Variants in ZNF44 observed in about 807,000 individuals in gnomAD.
ZNF44 encodes the protein gonadotropin inducible transcription repressor-2.
Under a neutral mutation model 11.7 loss-of-function variants are expected in ZNF44, and 9 were observed. The observed-to-expected ratio is 0.77, with a 90% CI of 0.46 to 1.35. ZNF44 has a LOEUF of 1.35. Ranked by LOEUF, ZNF44 falls within the 40% of genes most tolerant of loss-of-function variation. The probability of loss-of-function intolerance (pLI) is 0.00; values close to 1 mark genes in which losing one functional copy is unlikely to be tolerated. For synonymous variants in ZNF44, 224 were observed against 242.7 expected (o/e 0.92, Z 0.72); for missense variants, 696 against 743.1 (o/e 0.94, Z 0.74).
exon 6 of ZNF44, chr19:12,250,290 G>T: frequency 1.5e-6 from 2 of 1,366,682 alleles, no homozygotes; most frequent in Non-Finnish European, 2.0e-6. Context: ...TCTCTGTAGA[G>T]TTTTTTCTGT....
chr19:12,231,090 G>C (rs993243239), intron 2 of ZNF44, among the ~76,000 whole-genome samples: 2 of 152,142 alleles, frequency 1.3e-5, no homozygotes, highest in Non-Finnish European at 2.9e-5. Flanking sequence ...TGAGGTGCTT[G>C]TCCACGATGG....
rs201472296 is a variant in ZNF44, at chr19:12,272,884, A to G, written c.1371T>C (p.Phe457=). The change falls in exon 4 of 4, where the codon TTT becomes TTC. Residue 457 remains phenylalanine (F), a synonymous_variant. Transcript: ENST00000355684. ...QPYKCKCGKA[F]SDLFSFQSHE... is the part of the protein sequence containing the mutation. The stretch of plus-strand genomic sequence containing the variant: ...GACTTTGAAAGGAAAATAAATCACT[A>G]AAAGCTTTTCCACATTTACATTTAT... 1.5e-3 allele frequency: 2,391 copies of G among 1,614,094 alleles called. 4 individuals are homozygous for G. The highest frequency in any genetic ancestry group is 1.9e-3 in the Non-Finnish European group (2,234 of 1,180,026).
intron 1 of ZNF44, among the ~76,000 whole-genome samples, chr19:12,288,318 G>A (rs1378547824): frequency 6.6e-6 from 1 of 152,084 alleles, no homozygotes; most frequent in African/African-American, 2.4e-5. Flanking sequence ...TACCTAAATG[G>A]AAGACATATG....
intron 5 of ZNF44, among the ~76,000 whole-genome samples, chr19:12,252,822 T>A (rs925194933): frequency 4.0e-5 from 6 of 150,390 alleles, no homozygotes; most frequent in Non-Finnish European, 7.4e-5. Context: ...ACAAAGAAAA[T>A]TAAAAAGTAT....
chr19:12,236,196 A>G (rs149072019), intron 1 of ZNF44, among the ~76,000 whole-genome samples: 351 of 152,336 alleles, frequency 2.3e-3, no homozygotes, highest in African/African-American at 7.7e-3. Flanking sequence ...TACAAACCCT[A>G]GAAGGGTTAA....
rs958860050 is a variant in ZNF44, at chr19:12,249,507, G to GA, written c.*186+470dup. Among the ~76,000 whole-genome samples the GA allele has an allele frequency of 8.4e-3, 511 of 60,700 alleles. 5 individuals are homozygous for GA. The highest frequency in any genetic ancestry group is 0.02 in the African/African-American group (277 of 14,162). The allele number at this position is 60,700 out of a possible 152,430, so 39.8% of individuals were successfully genotyped here. A position where few individuals can be genotyped will look rare whatever the true frequency, so the allele number is the denominator to read the frequency against. Reference sequence around the variant, plus strand: ...GGCGACAGAGCAAGACTCCGTCTCAGAAAAAAAAAAAAAAAAAAGAAAAGA... The same window carrying GA: ...GGCGACAGAGCAAGACTCCGTCTCAGAAAAAAAAAAAAAAAAAAAGAAAAGA... On this transcript the variant is annotated intron_variant and NMD_transcript_variant, in intron 7 of 7. Transcript: ENST00000393337.
At chr19:12,250,287 A>C (rs1478551291) in exon 6 of ZNF44, 5 of 1,366,608 alleles carry the variant, frequency 3.7e-6, no homozygotes, top group South Asian at 1.1e-5. Flanking sequence ...ACGTCTCTGT[A>C]GAGTTTTTTC....
intron 3 of ZNF44, among the ~76,000 whole-genome samples, chr19:12,228,302 ATTAACTTTC>A (rs1222021567): frequency 6.6e-6 from 1 of 152,228 alleles, no homozygotes; most frequent in African/African-American, 2.4e-5. Context: ...TTTCCACATA[ATTAACTTTC>A]AGTAAAGTTT....
chr19:12,293,518 C>T lies in ZNF44; in HGVS notation c.3+1174G>A, dbSNP rs1217360279. On this transcript the variant is annotated intron_variant, in intron 1 of 3. Transcript: ENST00000355684. ...GTCAGGTGGTTATTCTCTTCTTCCT[C>T]ACATGTGAAATGTTAAGGAAAACAA... 2.7e-5 allele frequency: 20 copies of T among 728,206 alleles called. No individual in the cohort carries two copies. The East Asian group carries it at 5.6e-4, about 20-fold the overall frequency. 45.1% of individuals were successfully genotyped at this position (728,206 alleles called of 1,614,324 possible).
At chr19:12,275,578 G>A (rs534702578) in intron 2 of ZNF44, among the ~76,000 whole-genome samples, 12 of 152,186 alleles carry the variant, frequency 7.9e-5, no homozygotes, top group Admixed American at 3.3e-4. Flanking sequence ...CCCGGGAGGC[G>A]GAGCTTGTAG....
At chr19:12,293,423 C>A in intron 1 of ZNF44, 1 of 1,501,496 alleles carries the variant, frequency 6.7e-7, no homozygotes, top group Non-Finnish European at 8.9e-7. Context: ...CTGTAAAGGA[C>A]ATACTGAGAA....
upstream of ZNF44, among the ~76,000 whole-genome samples, chr19:12,239,513 C>T (rs541125996): frequency 6.4e-4 from 97 of 150,670 alleles, no homozygotes; most frequent in African/African-American, 2.3e-3. Context: ...GCCTCAGCCT[C>T]CCAAAATGCT....
downstream of ZNF44, among the ~76,000 whole-genome samples, chr19:12,267,029 ATTTTTTC>A (rs1370474797): frequency 7.7e-6 from 1 of 129,600 alleles, no homozygotes; most frequent in Non-Finnish European, 1.7e-5. Context: ...CAGTCTACTC[ATTTTTTC>A]TTTTTTCTTT....
chr19:12,229,948 G>T (rs1916088704), intron 3 of ZNF44, among the ~76,000 whole-genome samples: 1 of 152,116 alleles, frequency 6.6e-6, no homozygotes, highest in East Asian at 1.9e-4. Flanking sequence ...TTTATGAGAG[G>T]TGCAAACTTG....
At chr19:12,241,452 G>A (rs1916610953), upstream of ZNF44, among the ~76,000 whole-genome samples, 1 of 152,232 alleles carries the variant, frequency 6.6e-6, no homozygotes, top group Non-Finnish European at 1.5e-5. Flanking sequence ...TACTCTGGGA[G>A]GCCAAAGTGG....
Position 12,272,401 on chromosome 19 carries a change from A to G in ZNF44, c.*6T>C. On this transcript the variant is annotated 3_prime_UTR_variant, in exon 4 of 4. Coordinates refer to ENST00000355684, the MANE Select transcript of ZNF44 (RefSeq NM_016264.4). ...ACCAATGAATGCTTTCCCACATTCC[A>G]TACACTTATAGAATATCCTTCCAGT... 6.6e-7 allele frequency: 1 copy of G among 1,520,074 alleles called. No homozygotes were observed. Among genetic ancestry groups the G allele is most frequent in the African/African-American group, 1.4e-5 (1 of 71,586 alleles). The allele number at this position is 1,520,074 out of a possible 1,614,324, so 94.2% of individuals were successfully genotyped here. A position where few individuals can be genotyped will look rare whatever the true frequency, so the allele number is the denominator to read the frequency against.
At chr19:12,227,327 G>A (rs540808448) in intron 3 of ZNF44, among the ~76,000 whole-genome samples, 4 of 152,340 alleles carry the variant, frequency 2.6e-5, no homozygotes, top group East Asian at 1.9e-4. Flanking sequence ...TAGGCCGGGC[G>A]TGGTGGCTGA....
chr19:12,286,376 C>T (rs1181074953), intron 1 of ZNF44, among the ~76,000 whole-genome samples: 1 of 152,154 alleles, frequency 6.6e-6, no homozygotes, highest in Non-Finnish European at 1.5e-5. Context: ...TGGCTCATGC[C>T]TGTAATCCCA....
intron 5 of ZNF44, among the ~76,000 whole-genome samples, chr19:12,257,878 G>A (rs950085610): frequency 2.0e-5 from 3 of 151,448 alleles, no homozygotes; most frequent in Non-Finnish European, 4.4e-5. Context: ...GGCCAAGGCA[G>A]AAGAATCACT....
Sources: gnomAD v4.1 joint callset for allele counts (sites outside exome capture counted in the v4.1 genomes callset) on GRCh38, gnomAD v4.1.1 for gene constraint, MANE v1.5 for transcripts, NCBI Gene and HGNC (gene_info 2026-07-23, HGNC 2026-07-21) for gene names.